The following PRKCE variants were observed in gnomAD, a reference collection of about 807,000 sequenced individuals.
PRKCE encodes protein kinase C epsilon.
In PRKCE, 16 loss-of-function variants were observed where a neutral mutation model predicts 85.4. The observed-to-expected ratio is 0.19, with a 90% CI of 0.13 to 0.28. The LOEUF is 0.28. Ranked by LOEUF, PRKCE falls within the 10% of genes least tolerant of loss-of-function variation. The pLI is 1.00. For missense variants in PRKCE, 573 were observed against 975.2 expected (o/e 0.59, Z 5.49); for synonymous variants, 388 against 371.5 (o/e 1.04, Z -0.51).
chr2:45,867,691 C>T (rs1240182092), intron 2 of PRKCE, among the ~76,000 whole-genome samples: 1 of 151,968 alleles, frequency 6.6e-6, no homozygotes, highest in East Asian at 1.9e-4. Flanking sequence ...TTTTGCATAT[C>T]TTTTGTTAGA....
chr2:46,112,771 T>G (rs1270199365), intron 11 of PRKCE, among the ~76,000 whole-genome samples: 1 of 152,134 alleles, frequency 6.6e-6, no homozygotes, highest in Non-Finnish European at 1.5e-5. Context: ...CCACCCACCT[T>G]GGCCTCCCAA....
intron 12 of PRKCE, among the ~76,000 whole-genome samples, chr2:46,148,241 T>C (rs1676276446): frequency 6.6e-6 from 1 of 152,060 alleles, no homozygotes; most frequent in Non-Finnish European, 1.5e-5. Context: ...TCCCGAGCTC[T>C]GACGCACTTG....
At chr2:46,017,179 C>G (rs959711269) in intron 10 of PRKCE, among the ~76,000 whole-genome samples, 1 of 152,134 alleles carries the variant, frequency 6.6e-6, no homozygotes, top group African/African-American at 2.4e-5. Flanking sequence ...CACCTTACAA[C>G]CCTGAAACTC....
At chr2:45,723,312 C>T (rs1482172397) in intron 1 of PRKCE, among the ~76,000 whole-genome samples, 1 of 152,136 alleles carries the variant, frequency 6.6e-6, no homozygotes, top group Non-Finnish European at 1.5e-5. Flanking sequence ...CCCTATGAGC[C>T]AGCATCCAGT....
At chr2:45,913,041 C>T (rs979904952) in intron 2 of PRKCE, among the ~76,000 whole-genome samples, 8 of 152,218 alleles carry the variant, frequency 5.3e-5, no homozygotes, top group Non-Finnish European at 7.3e-5. Flanking sequence ...TCAAGTGTAT[C>T]TTCTCTAAGC....
intron 2 of PRKCE, among the ~76,000 whole-genome samples, chr2:45,855,064 A>G (rs1411945668): frequency 2.0e-5 from 3 of 152,222 alleles, no homozygotes; most frequent in Non-Finnish European, 4.4e-5. Context: ...ACAAATTTAT[A>G]TATTAGCTAG....
At chr2:45,751,389 CT>C (rs2104746009) in intron 1 of PRKCE, among the ~76,000 whole-genome samples, 1 of 152,302 alleles carries the variant, frequency 6.6e-6, no homozygotes, top group East Asian at 1.9e-4. Context: ...TATTTATACA[CT>C]CTTGCTTTCC....
At chr2:45,986,267 A>G (rs1703315097) in intron 6 of PRKCE, among the ~76,000 whole-genome samples, 1 of 152,252 alleles carries the variant, frequency 6.6e-6, no homozygotes, top group South Asian at 2.1e-4. Flanking sequence ...TCTTAGTGGG[A>G]CAGTGGGATG....
rs1007490494 is a variant in PRKCE, at chr2:46,140,267, G to T, written c.1593-4826G>T. The stretch of plus-strand genomic sequence containing the variant: ...AAATTTTGAAAAATAATAATATGTA[G>T]ACTGGTACTACCAAGTGTTAAAAGG... On this transcript the variant is annotated intron_variant, in intron 11 of 14. Coordinates refer to ENST00000306156, the MANE Select transcript of PRKCE (RefSeq NM_005400.3). 7.2e-5 allele frequency among the ~76,000 whole-genome samples: 11 copies of T among 152,216 alleles called. No individual in the cohort carries two copies. In the South Asian group the frequency reaches 8.3e-4, roughly 11 times the overall value.
intron 2 of PRKCE, among the ~76,000 whole-genome samples, chr2:45,862,183 TACACACAC>T (rs6146747): frequency 0.014 from 2,066 of 143,992 alleles, 103 homozygotes; most frequent in Admixed American, 0.098. Flanking sequence ...TCTTCTTGTA[TACACACAC>T]ACACACACAC....
At chr2:45,673,151 G>A (rs1454124816) in intron 1 of PRKCE, among the ~76,000 whole-genome samples, 1 of 152,096 alleles carries the variant, frequency 6.6e-6, no homozygotes, top group Admixed American at 6.5e-5. Context: ...GAACTCTCTG[G>A]AGTGTCAGGA....
intron 1 of PRKCE, among the ~76,000 whole-genome samples, chr2:45,805,490 A>G (rs1195154905): frequency 1.3e-5 from 2 of 152,208 alleles, no homozygotes; most frequent in East Asian, 3.8e-4. Flanking sequence ...CATGACTCCC[A>G]GAGGACAGGT....
chr2:45,703,504 C>G (rs1006764372), intron 1 of PRKCE, among the ~76,000 whole-genome samples: 3 of 151,334 alleles, frequency 2.0e-5, no homozygotes, highest in Admixed American at 6.6e-5. Context: ...CAACACTGCA[C>G]TCTAGCCTGG....
chr2:46,045,218 G>A (rs1708446468), intron 10 of PRKCE, among the ~76,000 whole-genome samples: 1 of 152,136 alleles, frequency 6.6e-6, no homozygotes, highest in Non-Finnish European at 1.5e-5. Flanking sequence ...TTATGTGTAT[G>A]TACACATATA....
intron 10 of PRKCE, among the ~76,000 whole-genome samples, chr2:46,051,879 C>CAG (rs1177802075): frequency 2.0e-5 from 3 of 152,088 alleles, no homozygotes; most frequent in Non-Finnish European, 4.4e-5. Context: ...CAGAGGGCAG[C>CAG]AGAGAGAGAA....
intron 10 of PRKCE, among the ~76,000 whole-genome samples, chr2:46,054,029 T>C (rs1295129935): frequency 6.6e-6 from 1 of 152,230 alleles, no homozygotes; most frequent in African/African-American, 2.4e-5. Flanking sequence ...GCATAGGTCC[T>C]TACTGCTCTC....
At chr2:45,828,707 G>A (rs566180378) in intron 1 of PRKCE, among the ~76,000 whole-genome samples, 2 of 151,998 alleles carry the variant, frequency 1.3e-5, no homozygotes, top group East Asian at 3.9e-4. Context: ...ACCTCATTAT[G>A]CCTCAGTTTC....
At chr2:46,048,506 C>T (rs1376633492) in intron 10 of PRKCE, among the ~76,000 whole-genome samples, 4 of 152,194 alleles carry the variant, frequency 2.6e-5, no homozygotes, top group Non-Finnish European at 4.4e-5. Context: ...TGCCTCCTAC[C>T]GAGCAGATGA....
chr2:45,844,817 G>A (rs1032167385), intron 2 of PRKCE, among the ~76,000 whole-genome samples: 1 of 152,180 alleles, frequency 6.6e-6, no homozygotes, highest in Admixed American at 6.5e-5. Context: ...TTTTACATTA[G>A]AGGGAAAGGA....
Sources: allele counts gnomAD v4.1 joint callset (sites outside exome capture counted in the v4.1 genomes callset), GRCh38; gene constraint gnomAD v4.1.1; transcripts MANE v1.5; gene names NCBI Gene and HGNC (gene_info 2026-07-23, HGNC 2026-07-21).